DLG5: variants seen among roughly 807,000 people sequenced by gnomAD.
DLG5 encodes discs large MAGUK scaffold protein 5.
A neutral mutation model predicts 189.8 loss-of-function variants in DLG5; 48 were observed. The observed-to-expected ratio is 0.25, with a 90% CI of 0.20 to 0.32. DLG5 has a LOEUF of 0.32. DLG5 is among the 10% of genes least tolerant of loss of function. The pLI, the probability that DLG5 is intolerant of heterozygous loss-of-function variation, is 1.00. For synonymous variants in DLG5, 1,016 were observed against 1,054.1 expected (o/e 0.96, Z 0.70); for missense variants, 2,160 against 2,544.7 (o/e 0.85, Z 3.25).
At chr10:77,822,696 A>C (rs1842431390) in intron 14 of DLG5, among the ~76,000 whole-genome samples, 1 of 152,168 alleles carries the variant, frequency 6.6e-6, no homozygotes, top group Non-Finnish European at 1.5e-5. Flanking sequence ...TAAATATTAA[A>C]CATAAAAGTA....
intron 2 of DLG5, among the ~76,000 whole-genome samples, chr10:77,861,790 T>C (rs1480607635): frequency 6.6e-6 from 1 of 152,102 alleles, no homozygotes; most frequent in Non-Finnish European, 1.5e-5. Flanking sequence ...CCTCAACCAC[T>C]CCACAACAAT....
intron 27 of DLG5, among the ~76,000 whole-genome samples, chr10:77,804,134 C>T (rs1244271468): frequency 6.6e-6 from 1 of 152,104 alleles, no homozygotes; most frequent in African/African-American, 2.4e-5. Flanking sequence ...TCAAGTGATC[C>T]ACCCACCTCG....
At chr10:77,875,393 C>A (rs142148913) in intron 1 of DLG5, among the ~76,000 whole-genome samples, 4 of 152,260 alleles carry the variant, frequency 2.6e-5, no homozygotes, top group African/African-American at 4.8e-5. Context: ...TGGGCCAAGG[C>A]CCCCCAGCCT....
intron 7 of DLG5, among the ~76,000 whole-genome samples, chr10:77,839,487 G>A (rs1415912875): frequency 6.6e-5 from 10 of 151,880 alleles, no homozygotes; most frequent in Admixed American, 2.0e-4. Context: ...GGCAAAAGAG[G>A]GAAACCACAT....
chr10:77,860,868 G>A lies in DLG5; in HGVS notation c.374-3976C>T, dbSNP rs187747387. On this transcript the variant is annotated intron_variant, in intron 2 of 31. Transcript: ENST00000372391. The stretch of plus-strand genomic sequence containing the variant: ...CTCCAAAGAGCTCTTGTTCACAGAT[G>A]TTATGTCTAATAAAATTTACAAGAT... 1.2e-4 allele frequency among the ~76,000 whole-genome samples: 18 copies of A among 152,218 alleles called. No homozygotes were observed. The East Asian group carries it at 3.5e-3, about 29-fold the overall frequency.
rs565486068 is a variant in DLG5, at chr10:77,855,824, C to T, written c.536+906G>A. Among the ~76,000 whole-genome samples, 6 of 152,262 alleles carry T rather than the reference C, an allele frequency of 3.9e-5. No individual in the cohort carries two copies. In the South Asian group the frequency reaches 8.3e-4, roughly 21 times the overall value. On this transcript the variant is annotated intron_variant, in intron 3 of 31. Coordinates refer to ENST00000372391, the MANE Select transcript of DLG5 (RefSeq NM_004747.4). ...TGAAACTGAAGTGTTTACACCAAGC[C>T]CCCCTCCCCTCCAGACCTCTACCAG...
At chr10:77,889,511 A>C (rs1564577710) in intron 1 of DLG5, 1 of 152,362 alleles carries the variant, frequency 6.6e-6, no homozygotes, top group East Asian at 1.9e-4. Flanking sequence ...TGGCTGAACC[A>C]GTCAACCCAG....
chr10:77,887,934 T>C (rs557549629), intron 1 of DLG5, among the ~76,000 whole-genome samples: 11 of 152,270 alleles, frequency 7.2e-5, no homozygotes, highest in African/African-American at 2.6e-4. Flanking sequence ...AACTCAGATC[T>C]CTCATGGCAG....
intron 26 of DLG5, 192 bp from the exon 27 acceptor site, chr10:77,806,053 C>G: frequency 1.8e-6 from 1 of 540,984 alleles, no homozygotes; most frequent in Non-Finnish European, 3.2e-6. Flanking sequence ...GTGACACAAA[C>G]ACCAGCACCA....
the DLG5 span, among the ~76,000 whole-genome samples, chr10:77,934,371 C>CAAAAAAA: frequency 6.2e-5 from 6 of 96,184 alleles, no homozygotes; most frequent in Admixed American, 2.4e-4. Context: ...AACTCCATCT[C>CAAAAAAA]AAAAAAAAAA....
rs1253398000 is a variant in DLG5, at chr10:77,830,891, C to T, written c.1749-18G>A. The T allele has an allele frequency of 2.0e-5, 32 of 1,613,126 alleles. No homozygotes were observed. The highest frequency in any genetic ancestry group is 2.6e-5 in the Non-Finnish European group (31 of 1,179,586). ...TCTGTTCCCTGTGAACAGAGAGAGC[C>T]ACGGTGACAGCCCCTTGGGAGGTGA... On this transcript the variant is annotated intron_variant, in intron 9 of 31. Transcript: ENST00000372391.
chr10:77,871,803 A>C (rs1844912955), intron 1 of DLG5, among the ~76,000 whole-genome samples: 1 of 152,016 alleles, frequency 6.6e-6, no homozygotes, highest in Admixed American at 6.6e-5. Flanking sequence ...TCAGCCTCCC[A>C]AAGTGCTAGG....
intron 27 of DLG5, among the ~76,000 whole-genome samples, chr10:77,804,758 G>C (rs1841386776): frequency 6.6e-6 from 1 of 152,216 alleles, no homozygotes; most frequent in Non-Finnish European, 1.5e-5. Flanking sequence ...ACTTGTTCAT[G>C]AACACAGGAC....
intron 1 of DLG5, among the ~76,000 whole-genome samples, chr10:77,892,752 T>G (rs1269668653): frequency 6.6e-6 from 1 of 152,214 alleles, no homozygotes; most frequent in African/African-American, 2.4e-5. Context: ...AATAAAGGAT[T>G]GCTGAATTTC....
At chr10:77,832,829 C>T (rs1035998167) in intron 9 of DLG5, among the ~76,000 whole-genome samples, 1 of 152,198 alleles carries the variant, frequency 6.6e-6, no homozygotes, top group South Asian at 2.1e-4. Flanking sequence ...ATTGCTAGAC[C>T]CAAGATGGTT....
chr10:77,852,347 G>C (rs1269823), intron 5 of DLG5, among the ~76,000 whole-genome samples: 38,640 of 151,852 alleles, frequency 0.25, 5,486 homozygotes, highest in Admixed American at 0.39. Context: ...CTCCAGCCTG[G>C]GCGACAGAGC....
At chr10:77,839,299 G>A (rs1475784786) in intron 7 of DLG5, among the ~76,000 whole-genome samples, 2 of 152,198 alleles carry the variant, frequency 1.3e-5, no homozygotes, top group African/African-American at 2.4e-5. Flanking sequence ...TCAGGAATTC[G>A]AGACTAGCCT....
intron 8 of DLG5, among the ~76,000 whole-genome samples, chr10:77,834,408 C>T (rs1460487079): frequency 1.3e-5 from 2 of 152,056 alleles, no homozygotes; most frequent in African/African-American, 4.8e-5. Flanking sequence ...CATGAAGCAC[C>T]CCCCACCTGC....
chr10:77,851,722 G>A (rs1465387359), intron 5 of DLG5, among the ~76,000 whole-genome samples: 8 of 152,124 alleles, frequency 5.3e-5, no homozygotes, highest in Admixed American at 1.3e-4. Context: ...AATCAATATC[G>A]GAGAAAGGAA....
Sources: gnomAD v4.1 joint callset for allele counts (sites outside exome capture counted in the v4.1 genomes callset) on GRCh38, gnomAD v4.1.1 for gene constraint, MANE v1.5 for transcripts, NCBI Gene and HGNC (gene_info 2026-07-23, HGNC 2026-07-21) for gene names.